The following SNTG2 variants were observed in gnomAD, a reference collection of about 807,000 sequenced individuals.
The protein encoded by SNTG2 is syntrophin gamma 2, also known as gamma-2-syntrophin.
Under a neutral mutation model 70.9 loss-of-function variants are expected in SNTG2, and 74 were observed. The ratio of observed to expected loss-of-function variants is 1.04; its 90% CI spans 0.86 to 1.27. The LOEUF (loss-of-function observed/expected upper bound fraction) is 1.27, where lower values mean the gene tolerates loss of function less well. Ranked by LOEUF, SNTG2 falls within the 50% of genes most tolerant of loss-of-function variation. The pLI, the probability that SNTG2 is intolerant of heterozygous loss-of-function variation, is 0.00. For missense variants in SNTG2, 717 were observed against 690.7 expected, an observed-to-expected ratio of 1.04 and a Z score of -0.43; for synonymous variants, 278 against 273.8, an observed-to-expected ratio of 1.02 and a Z score of -0.15.
At chr2:1,179,405 A>G (rs1458639044) in intron 8 of SNTG2, among the ~76,000 whole-genome samples, 1 of 152,204 alleles carries the variant, frequency 6.6e-6, no homozygotes, top group Non-Finnish European at 1.5e-5. Context: ...AATCACAAGC[A>G]TTCTTATACA....
chr2:1,145,088 T>C (rs1669012761), intron 6 of SNTG2, among the ~76,000 whole-genome samples: 1 of 152,144 alleles, frequency 6.6e-6, no homozygotes, highest in Non-Finnish European at 1.5e-5. Flanking sequence ...GAAAGAAATA[T>C]ATAGAATTGA....
intron 9 of SNTG2, among the ~76,000 whole-genome samples, chr2:1,228,800 C>T (rs868235499): frequency 6.6e-6 from 1 of 152,196 alleles, no homozygotes; most frequent in African/African-American, 2.4e-5. Flanking sequence ...CGCGGACCCT[C>T]GCGGTGAGTG....
intron 6 of SNTG2, among the ~76,000 whole-genome samples, 191 bp downstream of exon 6, chr2:1,138,000 A>G (rs558289557): frequency 6.6e-6 from 1 of 152,200 alleles, no homozygotes; most frequent in South Asian, 2.1e-4. Context: ...TTGTGTGCTG[A>G]CTGGGGCACT....
rs1558552688 is a variant in SNTG2 at position 1,222,001 on chromosome 2, GTCTCTCTCTGTCTC to G, written c.719+12777_719+12790del. On this transcript the variant is annotated intron_variant, in intron 9 of 16. Coordinates refer to ENST00000308624, the MANE Select transcript of SNTG2 (RefSeq NM_018968.4). ...TCTGTCTCTCTCTGTCTCTGTCTCT[GTCTCTCTCTGTCTC>G]TCTCTGTCTCTGCCTATCTCTGTCT... Among the ~76,000 whole-genome samples the G allele has an allele frequency of 6.8e-3, 27 of 3,970 alleles. 8 individuals carry two copies. Among genetic ancestry groups the G allele is most frequent in the South Asian group, 0.052 (9 of 174 alleles). 2.6% of individuals were successfully genotyped at this position (3,970 alleles called of 152,430 possible).
intron 1 of SNTG2, among the ~76,000 whole-genome samples, chr2:965,170 CCCCAA>C (rs1415264118): frequency 1.4e-4 from 19 of 138,830 alleles, no homozygotes; most frequent in African/African-American, 4.5e-4. Flanking sequence ...CCTCCTTGGA[CCCCAA>C]TCCTCCTCCT....
chr2:971,680 C>A (rs1660744416), intron 1 of SNTG2, among the ~76,000 whole-genome samples: 1 of 144,800 alleles, frequency 6.9e-6, no homozygotes, highest in Admixed American at 6.9e-5. Context: ...AATTTTGTTT[C>A]TTTTCTTCTG....
At chr2:1,177,887 G>T (rs4600696) in intron 8 of SNTG2, among the ~76,000 whole-genome samples, 47,626 of 151,686 alleles carry the variant, frequency 0.31, 7,993 homozygotes, top group East Asian at 0.65. Flanking sequence ...TAAAAGATTA[G>T]CAGTGATTGC....
At chr2:1,203,427 G>A (rs926114275) in intron 8 of SNTG2, among the ~76,000 whole-genome samples, 6 of 151,832 alleles carry the variant, frequency 4.0e-5, no homozygotes, top group Non-Finnish European at 7.4e-5. Flanking sequence ...GGAGGCAGAG[G>A]AGGGAGGGTC....
intron 1 of SNTG2, among the ~76,000 whole-genome samples, chr2:1,028,274 C>G: frequency 6.7e-6 from 1 of 149,660 alleles, no homozygotes. Context: ...CAGTAAGTAA[C>G]TCATGCATCT....
chr2:1,245,150 T>C (rs570728475), intron 11 of SNTG2, among the ~76,000 whole-genome samples: 42 of 144,838 alleles, frequency 2.9e-4, no homozygotes, highest in African/African-American at 9.8e-4. Context: ...AGGGATAGCA[T>C]TGGGAGATAT....
intron 9 of SNTG2, among the ~76,000 whole-genome samples, chr2:1,236,300 G>A (rs939012136): frequency 1.3e-5 from 2 of 152,362 alleles, no homozygotes; most frequent in African/African-American, 4.8e-5. Flanking sequence ...ATTTTGAAGT[G>A]TAAAAATTAA....
At chr2:1,104,811 G>A (rs1666007960) in intron 4 of SNTG2, among the ~76,000 whole-genome samples, 1 of 152,314 alleles carries the variant, frequency 6.6e-6, no homozygotes, top group South Asian at 2.1e-4. Context: ...TTTTCTCCCA[G>A]TATCTTTCCG....
At chr2:1,246,946 A>G (rs1417247520) in intron 11 of SNTG2, among the ~76,000 whole-genome samples, 1 of 152,158 alleles carries the variant, frequency 6.6e-6, no homozygotes, top group Non-Finnish European at 1.5e-5. Context: ...TGTTCACTAT[A>G]GGAATGAAAA....
At chr2:1,103,284 A>G in intron 4 of SNTG2, 1 of 229,876 alleles carries the variant, frequency 4.4e-6, no homozygotes, top group Non-Finnish European at 9.3e-6. Context: ...TACATTTGAA[A>G]GGTTAAATAT....
At position 1,338,993 on chromosome 2, in the gene SNTG2, C is replaced by A. The variant is rs181473526; in HGVS notation, c.1488+22618C>A. Among the ~76,000 whole-genome samples, 6 of 152,310 alleles carry A rather than the reference C, an allele frequency of 3.9e-5. No homozygotes were observed. In the East Asian group the frequency reaches 1.2e-3, roughly 29 times the overall value. On this transcript the variant is annotated intron_variant, in intron 16 of 16. Transcript: ENST00000308624. Reference sequence around the variant, plus strand: ...TACATTCCAACTGGCAATGAAGGTTCCAATTTCTCCGCATCCTCATCAATG... The same window carrying A: ...TACATTCCAACTGGCAATGAAGGTTACAATTTCTCCGCATCCTCATCAATG...
chr2:1,128,234 C>T (rs1191924706), intron 4 of SNTG2, among the ~76,000 whole-genome samples: 1 of 152,048 alleles, frequency 6.6e-6, no homozygotes, highest in Non-Finnish European at 1.5e-5. Flanking sequence ...ATAAGGAATG[C>T]AATTTATTCA....
intron 16 of SNTG2, among the ~76,000 whole-genome samples, chr2:1,327,133 G>A (rs573147319): frequency 6.6e-6 from 1 of 151,970 alleles, no homozygotes; most frequent in Non-Finnish European, 1.5e-5. Context: ...ACTCTTAGTA[G>A]CCTTAATGTA....
chr2:1,039,897 G>A (rs1251610963), intron 1 of SNTG2, among the ~76,000 whole-genome samples: 6 of 152,124 alleles, frequency 3.9e-5, no homozygotes, highest in African/African-American at 1.4e-4. Flanking sequence ...GGAGGCTGGC[G>A]GCTGTCCTGG....
chr2:1,281,023 A>G (rs1433920266), intron 14 of SNTG2, among the ~76,000 whole-genome samples: 1 of 152,198 alleles, frequency 6.6e-6, no homozygotes, highest in East Asian at 1.9e-4. Flanking sequence ...CTTTACTCCA[A>G]GTAGTTTTTT....
Sources: gnomAD v4.1 joint callset for allele counts (sites outside exome capture counted in the v4.1 genomes callset) on GRCh38, gnomAD v4.1.1 for gene constraint, MANE v1.5 for transcripts, NCBI Gene and HGNC (gene_info 2026-07-23, HGNC 2026-07-21) for gene names.